RAB11FIP1: variants seen among roughly 807,000 people sequenced by gnomAD.
RAB11FIP1 encodes the protein RAB11 family interacting protein 1.
A neutral mutation model predicts 83.1 loss-of-function variants in RAB11FIP1; 49 were observed. That is an observed-to-expected ratio of 0.59 (90% CI 0.47 to 0.75). The LOEUF (loss-of-function observed/expected upper bound fraction) is 0.75, where lower values mean the gene tolerates loss of function less well. Among genes scored for constraint, RAB11FIP1 ranks in the 30% least tolerant of loss-of-function variants. The pLI is 0.00. For synonymous variants in RAB11FIP1, 670 were observed against 656.0 expected (o/e 1.02, Z -0.33); for missense variants, 1,536 against 1,598.7 (o/e 0.96, Z 0.67).
Position 37,874,568 on chromosome 8 carries a change from C to G in RAB11FIP1, c.1569G>C (p.Pro523=). The G allele has an allele frequency of 6.2e-7, 1 of 1,614,214 alleles. No individual in the cohort carries two copies. The highest frequency in any genetic ancestry group is 8.5e-7 in the Non-Finnish European group (1 of 1,180,036). The stretch of plus-strand genomic sequence containing the variant: ...CCCTCGGAGAGGAAATTGGAGGTCT[C>G]GGTTCAGACTTGGACTCTGGCTCAG... ...PEAEPESKSE[P]RPPISSPRAP... is the part of the protein sequence containing the mutation. Residue 523 remains proline (P), a synonymous_variant, in exon 3 of 6, where the codon CCG becomes CCC. Coordinates refer to ENST00000330843, the MANE Select transcript of RAB11FIP1 (RefSeq NM_001002814.3).
Position 37,872,463 on chromosome 8 carries a change from G to C in RAB11FIP1, c.2339C>G (p.Ser780Ter). 2 of 1,614,182 alleles carry C rather than the reference G, an allele frequency of 1.2e-6. No homozygotes were observed. The highest frequency in any genetic ancestry group is 1.7e-6 in the Non-Finnish European group (2 of 1,180,036). The change falls in exon 4 of 6, where the codon TCA becomes TGA. Residue 780 changes from serine (S) to a stop codon, truncating the protein, a stop_gained. Transcript: ENST00000330843. LOFTEE classifies it high-confidence loss of function. ...EVAPPLPMGASVPSIDSMMRK... is the reference protein window; with the variant it reads ...EVAPPLPMGA ...CATCATGGAATCAATGGAAGGGACT[G>C]ATGCTCCCATGGGAAGAGGGGGCGC...
chr8:37,886,732 CACTT>C (rs1806843808), intron 1 of RAB11FIP1, among the ~76,000 whole-genome samples: 1 of 152,196 alleles, frequency 6.6e-6, no homozygotes, highest in Non-Finnish European at 1.5e-5. Flanking sequence ...ACAGAGGACA[CACTT>C]AACCTTTCTT....
chr8:37,871,100 A>G, intron 4 of RAB11FIP1, 178 bp downstream of exon 4: 1 of 709,776 alleles, frequency 1.4e-6, no homozygotes, highest in Non-Finnish European at 2.3e-6. Flanking sequence ...TGTTCTTGCT[A>G]TAAACGCAGC....
Position 37,862,926 on chromosome 8 carries a change from G to C in RAB11FIP1, c.3821C>G (p.Thr1274Ser), listed in dbSNP as rs372094888. The C allele has an allele frequency of 7.9e-5, 127 of 1,611,676 alleles. No individual in the cohort carries two copies. Among genetic ancestry groups the C allele is most frequent in the Admixed American group, 2.2e-4 (13 of 59,748 alleles). Residue 1274 changes from threonine to serine, a missense_variant, in exon 6 of 6, where the codon ACT becomes AGT. Physicochemically the swap from Thr to Ser is moderately conservative, Grantham distance 58. Coordinates refer to ENST00000330843, the MANE Select transcript of RAB11FIP1 (RefSeq NM_001002814.3). ...CTTTCCTGCTTTTTTGCCAACCTGAGTCGGGATGCGGAGGATATTGGGGGT... is the reference window on the plus strand; with the variant it reads ...CTTTCCTGCTTTTTTGCCAACCTGACTCGGGATGCGGAGGATATTGGGGGT... ...EETPNILRIP[T>S]QVGKKAGKM
At chr8:37,870,269 G>A (rs1326383459) in intron 5 of RAB11FIP1, 151 bp downstream of exon 5, 7 of 507,416 alleles carry the variant, frequency 1.4e-5, no homozygotes, top group Non-Finnish European at 2.5e-5. Flanking sequence ...TGGAATGTCT[G>A]GGGGCTTCCA....
At position 37,899,407 on chromosome 8, in the gene RAB11FIP1, C is replaced by T; in HGVS notation, c.35G>A (p.Gly12Glu). The change falls in exon 1 of 6, where the codon GGG becomes GAG. Residue 12 changes from glycine to glutamate, a missense_variant. Physicochemically the swap from Gly to Glu is moderately conservative, Grantham distance 98. Transcript: ENST00000330843. The surrounding 1 kb of genome is among the most constrained non-coding windows in gnomAD (Gnocchi z 4.5). ...CACGTGGGTTGGGGACCACACGGCC[C>T]CCAGGCCCCGGCCAGCCGAGACCAT... ...SLMVSAGRGL[G>E]AVWSPTHVQV... 2 of 1,589,800 alleles carry T rather than the reference C, an allele frequency of 1.3e-6. No homozygotes were observed. The highest frequency in any genetic ancestry group is 1.7e-6 in the Non-Finnish European group (2 of 1,170,124).
Position 37,862,466 on chromosome 8 carries a change from G to C in RAB11FIP1, c.*429C>G. On this transcript the variant is annotated 3_prime_UTR_variant, in exon 6 of 6. Transcript: ENST00000330843. ...ATGTGTATGTAACACAGCACCAATC[G>C]CATGGTCCTTTTCTCATTTAAAGCT... 1 of 165,762 alleles carries C rather than the reference G, an allele frequency of 6.0e-6. No individual in the cohort carries two copies. Among genetic ancestry groups the C allele is most frequent in the East Asian group, 1.7e-4 (1 of 6,012 alleles). 10.3% of individuals were successfully genotyped at this position (165,762 alleles called of 1,614,324 possible). A position where few individuals can be genotyped will look rare whatever the true frequency, so the allele number is the denominator to read the frequency against.
chr8:37,861,342 T>G lies in RAB11FIP1; in HGVS notation c.*1553A>C, dbSNP rs1806228160. 1 of 248,060 alleles carries G rather than the reference T, an allele frequency of 4.0e-6. No homozygotes were observed. Among genetic ancestry groups the G allele is most frequent in the African/African-American group, 2.4e-5 (1 of 42,328 alleles). The allele number at this position is 248,060 out of a possible 1,614,324, so 15.4% of individuals were successfully genotyped here. Reference sequence around the variant, plus strand: ...GGAAAAAAAGCAACCATTTGAAGGCTGAGGCACCTGTTTTCTACTGACTTT... The same window carrying G: ...GGAAAAAAAGCAACCATTTGAAGGCGGAGGCACCTGTTTTCTACTGACTTT... On this transcript the variant is annotated 3_prime_UTR_variant, in exon 6 of 6. Transcript: ENST00000330843.
At chr8:37,883,803 A>G (rs1806770411) in intron 1 of RAB11FIP1, among the ~76,000 whole-genome samples, 2 of 152,174 alleles carry the variant, frequency 1.3e-5, no homozygotes, top group South Asian at 4.1e-4. Context: ...AGGCCCTGAA[A>G]GCTTGAATTA....
intron 1 of RAB11FIP1, among the ~76,000 whole-genome samples, chr8:37,885,659 G>C (rs368517896): frequency 3.3e-5 from 5 of 152,310 alleles, no homozygotes; most frequent in African/African-American, 9.6e-5. Context: ...AAAAGAATGA[G>C]CTAAATACAA....
rs1317399692 is a variant in RAB11FIP1 at position 37,872,656 on chromosome 8, A to G, written c.2146T>C (p.Tyr716His). Residue 716 changes from tyrosine to histidine, a missense_variant, in exon 4 of 6, where the codon TAC becomes CAC. Physicochemically the swap from Tyr to His is moderately conservative, Grantham distance 83. Coordinates refer to ENST00000330843, the MANE Select transcript of RAB11FIP1 (RefSeq NM_001002814.3). ...TGGGCTTCTCCAGATGATGGGCTGT[A>G]GTCTTGTTTTTTGCAGGGGAATCTC... Reference protein sequence around the residue: ...LPRFPCKKQDYSPSSGEAQEV... With the variant: ...LPRFPCKKQDHSPSSGEAQEV... 2 of 1,614,186 alleles carry G rather than the reference A, an allele frequency of 1.2e-6. No homozygotes were observed.
At chr8:37,883,334 G>A (rs1352246814) in intron 1 of RAB11FIP1, among the ~76,000 whole-genome samples, 1 of 152,106 alleles carries the variant, frequency 6.6e-6, no homozygotes, top group Non-Finnish European at 1.5e-5. Flanking sequence ...GAGTAGCTGG[G>A]ATTACAGGCG....
At chr8:37,867,899 T>C (rs1388165024) in intron 5 of RAB11FIP1, among the ~76,000 whole-genome samples, 1 of 152,088 alleles carries the variant, frequency 6.6e-6, no homozygotes, top group Non-Finnish European at 1.5e-5. Context: ...TTATCCCAGC[T>C]CTTACTGGTA....
intron 2 of RAB11FIP1, 122 bp downstream of exon 2, chr8:37,876,987 G>T: frequency 1.3e-6 from 1 of 774,306 alleles, no homozygotes; most frequent in Non-Finnish European, 2.1e-6. Context: ...CCACCACCAT[G>T]ATTTTGTAAT....
chr8:37,875,459 G>GT (rs1806588495), intron 2 of RAB11FIP1, 137 bp from the exon 3 acceptor site: 1 of 675,848 alleles, frequency 1.5e-6, no homozygotes, highest in Non-Finnish European at 2.6e-6. Context: ...TATCCAGCAG[G>GT]TAGAGGACAA....
chr8:37,869,885 T>A lies in RAB11FIP1; in HGVS notation c.3633+535A>T. ...GTTCCTGCAACTTTTTTTTAACATT[T>A]GAAATTATTTCAAAATAATGTTACC... On this transcript the variant is annotated intron_variant, in intron 5 of 5. Transcript: ENST00000330843. Among the ~76,000 whole-genome samples, 2 of 152,198 alleles carry A rather than the reference T, an allele frequency of 1.3e-5. 1 individual carries two copies. The highest frequency in any genetic ancestry group is 3.8e-4 in the East Asian group (2 of 5,204).
intron 1 of RAB11FIP1, among the ~76,000 whole-genome samples, chr8:37,885,249 C>T (rs1806809401): frequency 6.6e-6 from 1 of 152,178 alleles, no homozygotes; most frequent in Non-Finnish European, 1.5e-5. Context: ...TCCACCTTGG[C>T]CTCCCAAAGT....
chr8:37,891,758 G>A (rs749725725), intron 1 of RAB11FIP1, among the ~76,000 whole-genome samples: 4 of 152,004 alleles, frequency 2.6e-5, no homozygotes, highest in Admixed American at 2.0e-4. Flanking sequence ...TCATTTATGG[G>A]TCTAACTTTA....
Position 37,862,823 on chromosome 8 carries a change from GGCAAGTCCTTGACCCCTGGA to G in RAB11FIP1, c.*52_*71del. 1 of 1,240,508 alleles carries G rather than the reference GGCAAGTCCTTGACCCCTGGA, an allele frequency of 8.1e-7. No individual in the cohort carries two copies. Among genetic ancestry groups the G allele is most frequent in the South Asian group, 1.4e-5 (1 of 74,004 alleles). The allele number at this position is 1,240,508 out of a possible 1,614,324, so 76.8% of individuals were successfully genotyped here. A position where few individuals can be genotyped will look rare whatever the true frequency, so the allele number is the denominator to read the frequency against. ...AGCCTGCTGGCTGGTTATCAGGCAA[GGCAAGTCCTTGACCCCTGGA>G]GCAGGTGAAAGTGAAGTCACAGAAA... On this transcript the variant is annotated 3_prime_UTR_variant, in exon 6 of 6. Coordinates refer to ENST00000330843, the MANE Select transcript of RAB11FIP1 (RefSeq NM_001002814.3).
Sources: allele counts gnomAD v4.1 joint callset (sites outside exome capture counted in the v4.1 genomes callset), GRCh38; gene constraint gnomAD v4.1.1; non-coding constraint Gnocchi (gnomAD v3.1); transcripts MANE v1.5; gene names NCBI Gene and HGNC (gene_info 2026-07-23, HGNC 2026-07-21).